The following CD84 variants were observed in gnomAD, a reference collection of about 807,000 sequenced individuals.
The protein encoded by CD84 is SLAM family member 5.
A neutral mutation model predicts 33.8 loss-of-function variants in CD84; 22 were observed. The ratio of observed to expected loss-of-function variants is 0.65; its 90% CI spans 0.46 to 0.93. CD84 has a LOEUF of 0.93. Ranked by LOEUF, CD84 falls within the 40% of genes least tolerant of loss-of-function variation. The pLI, the probability that CD84 is intolerant of heterozygous loss-of-function variation, is 0.00. For missense variants in CD84, 400 were observed against 397.6 expected, an observed-to-expected ratio of 1.01 and a Z score of -0.05; for synonymous variants, 154 against 145.2, an observed-to-expected ratio of 1.06 and a Z score of -0.44.
chr1:160,556,950 T>C (rs1656650190), intron 2 of CD84, among the ~76,000 whole-genome samples: 1 of 152,198 alleles, frequency 6.6e-6, no homozygotes, highest in Non-Finnish European at 1.5e-5. Context: ...GACATTTGGG[T>C]ATGGCTCTTT....
Position 160,553,988 on chromosome 1 carries a change from T to G in CD84, c.547A>C (p.Thr183Pro). 1 of 1,614,078 alleles carries G rather than the reference T, an allele frequency of 6.2e-7. No individual in the cohort carries two copies. Among genetic ancestry groups the G allele is most frequent in the Non-Finnish European group, 8.5e-7 (1 of 1,180,008 alleles). ...TAAGTCAGCTCTTGGTCCTCAGGAG[T>G]CTGGAAGATTTGAAGGACATTACCC... ...EEGNVLQIFQ[T>P]PEDQELTYTC... The change falls in exon 3 of 7, where the codon ACT (threonine) becomes CCT (proline). Residue 183 changes from threonine (T) to proline (P), a missense_variant. Physicochemically the swap from Thr to Pro is conservative, Grantham distance 38. Coordinates refer to ENST00000368054, the MANE Select transcript of CD84 (RefSeq NM_003874.4).
At chr1:160,556,903 A>G (rs1656647410) in intron 2 of CD84, among the ~76,000 whole-genome samples, 1 of 152,212 alleles carries the variant, frequency 6.6e-6, no homozygotes, top group Admixed American at 6.5e-5. Context: ...TTTCTCAGCT[A>G]AAGTTCTCGA....
intron 1 of CD84, among the ~76,000 whole-genome samples, chr1:160,573,826 A>G (rs756717991): frequency 6.6e-6 from 1 of 152,146 alleles, no homozygotes; most frequent in Non-Finnish European, 1.5e-5. Flanking sequence ...GTCTGTTTCA[A>G]TCACTACTGT....
chr1:160,561,370 T>C (rs1656947867), intron 2 of CD84, among the ~76,000 whole-genome samples: 3 of 152,078 alleles, frequency 2.0e-5, no homozygotes, highest in Admixed American at 6.6e-5. Context: ...CATATCCAAA[T>C]CAGTAAGTGT....
In CD84 at chr1:160,542,432, A is replaced by G. The variant is rs933699009; in HGVS notation, c.*5824T>C. 7 of 152,344 alleles carry G rather than the reference A, an allele frequency of 4.6e-5. No individual in the cohort carries two copies. Among genetic ancestry groups the G allele is most frequent in the African/African-American group, 1.7e-4 (7 of 41,588 alleles). The allele number at this position is 152,344 out of a possible 1,614,324, so 9.4% of individuals were successfully genotyped here. A position where few individuals can be genotyped will look rare whatever the true frequency, so the allele number is the denominator to read the frequency against. On this transcript the variant is annotated 3_prime_UTR_variant, in exon 7 of 7. Transcript: ENST00000368054. The stretch of plus-strand genomic sequence containing the variant: ...CAGACCTGTGAGTTAGATTTTGGAC[A>G]CGCTAAACTTGAGGTGACTTCTGAC...
rs775475479 is a variant in CD84 at position 160,565,655 on chromosome 1, G to A, written c.137C>T (p.Pro46Leu). ...SVTFPVNIQE[P>L]RQVKIIAWTS... ...CCAAGCAATGATTTTAACTTGCCGT[G>A]GTTCTTGGATATTTACAGGGAAAGT... Residue 46 changes from proline to leucine, a missense_variant, in exon 2 of 7, where the codon CCA becomes CTA. Physicochemically the swap from Pro to Leu is moderately conservative, Grantham distance 98 (BLOSUM62 -3). Transcript: ENST00000368054. 4 of 1,613,876 alleles carry A rather than the reference G, an allele frequency of 2.5e-6. No homozygotes were observed. In the South Asian group the frequency reaches 3.3e-5, roughly 13 times the overall value.
At chr1:160,561,017 A>AAAAAC (rs201874578) in intron 2 of CD84, among the ~76,000 whole-genome samples, 2,541 of 152,174 alleles carry the variant, frequency 0.017, 84 homozygotes, top group African/African-American at 0.057. Context: ...CCTACCAACC[A>AAAAAC]AAAACAAAAC....
chr1:160,567,292 T>C (rs895125867), intron 1 of CD84, among the ~76,000 whole-genome samples: 1 of 152,188 alleles, frequency 6.6e-6, no homozygotes, highest in Non-Finnish European at 1.5e-5. Context: ...CCTGATGGTG[T>C]TGTCTCACTA....
Position 160,579,420 on chromosome 1 carries a change from T to C in CD84, c.18A>G (p.Leu6=), listed in dbSNP as rs1658162065. 1 of 1,613,174 alleles carries C rather than the reference T, an allele frequency of 6.2e-7. No individual in the cohort carries two copies. Among genetic ancestry groups the C allele is most frequent in the South Asian group, 1.1e-5 (1 of 91,046 alleles). ...TTTGCAGGCAAAGGAGCAAGATCCA[T>C]AGGTGGTGCTGAGCCATCTCTTTCA... MAQHH[L]WILLLCLQTW... is the part of the protein sequence containing the mutation. Residue 6 remains leucine, a synonymous_variant, in exon 1 of 7, where the codon CTA becomes CTG. Transcript: ENST00000368054.
At chr1:160,551,399 T>C in intron 4 of CD84, 1 of 244,416 alleles carries the variant, frequency 4.1e-6, no homozygotes, top group Non-Finnish European at 7.9e-6. Context: ...GTCACGGTCT[T>C]AGTTTTTTAA....
intron 2 of CD84, among the ~76,000 whole-genome samples, chr1:160,556,012 C>T (rs963671706): frequency 5.9e-5 from 9 of 152,026 alleles, no homozygotes; most frequent in East Asian, 1.9e-4. Flanking sequence ...GTGACTGATA[C>T]GATATCAATT....
intron 1 of CD84, 23 bp downstream of exon 1, chr1:160,579,369 G>T (rs140316652): frequency 1.2e-6 from 2 of 1,612,910 alleles, no homozygotes; most frequent in South Asian, 1.1e-5. Flanking sequence ...ACTAGGAGGC[G>T]ATCAGCAAGG....
intron 1 of CD84, among the ~76,000 whole-genome samples, chr1:160,570,440 C>T (rs1469905780): frequency 6.6e-6 from 1 of 152,160 alleles, no homozygotes; most frequent in African/African-American, 2.4e-5. Flanking sequence ...TAATTTTTAG[C>T]AGGGCATAGA....
In CD84 at chr1:160,544,338, G is replaced by A. The variant is rs565539989; in HGVS notation, c.*3918C>T. 2.4e-4 allele frequency: 37 copies of A among 151,930 alleles called. No homozygotes were observed. The highest frequency in any genetic ancestry group is 8.7e-4 in the African/African-American group (36 of 41,390). 9.4% of individuals were successfully genotyped at this position (151,930 alleles called of 1,614,324 possible). A position where few individuals can be genotyped will look rare whatever the true frequency, so the allele number is the denominator to read the frequency against. ...CTAATTTTTTTGTATTTTTAGTAGA[G>A]ACGCGGTTTCACAACCTTGGCCAGG... is the stretch of plus-strand genomic sequence containing the variant. On this transcript the variant is annotated 3_prime_UTR_variant, in exon 7 of 7. Coordinates refer to ENST00000368054, the MANE Select transcript of CD84 (RefSeq NM_003874.4).
intron 3 of CD84, 86 bp from the exon 4 acceptor site, chr1:160,553,583 T>C: frequency 6.6e-7 from 1 of 1,509,280 alleles, no homozygotes; most frequent in Admixed American, 1.7e-5. Context: ...AGGGGCATTA[T>C]GAAAATTGGG....
intron 1 of CD84, among the ~76,000 whole-genome samples, chr1:160,576,754 G>C (rs1212281865): frequency 6.6e-6 from 1 of 152,098 alleles, no homozygotes; most frequent in Non-Finnish European, 1.5e-5. Context: ...ATCTGTATAT[G>C]TGCACATAAA....
rs1571341743 is a variant in CD84, at chr1:160,547,251, G to A, written c.*1005C>T. 1 of 398,568 alleles carries A rather than the reference G, an allele frequency of 2.5e-6. No homozygotes were observed. The highest frequency in any genetic ancestry group is 6.3e-4 in the Middle Eastern group (1 of 1,588). The allele number at this position is 398,568 out of a possible 1,614,324, so 24.7% of individuals were successfully genotyped here. On this transcript the variant is annotated 3_prime_UTR_variant, in exon 7 of 7. Coordinates refer to ENST00000368054, the MANE Select transcript of CD84 (RefSeq NM_003874.4). Reference sequence around the variant, plus strand: ...CATCATCTCCCAAGTTCCTTCTGGAGAATGACTCTGCTTCTTGCAAGGTCT... The same window carrying A: ...CATCATCTCCCAAGTTCCTTCTGGAAAATGACTCTGCTTCTTGCAAGGTCT...
At position 160,544,967 on chromosome 1, in the gene CD84, A is replaced by G. The variant is rs1235268192; in HGVS notation, c.*3289T>C. 6.6e-6 allele frequency: 1 copy of G among 152,242 alleles called. No individual in the cohort carries two copies. Among genetic ancestry groups the G allele is most frequent in the African/African-American group, 2.4e-5 (1 of 41,464 alleles). The allele number at this position is 152,242 out of a possible 1,614,324, so 9.4% of individuals were successfully genotyped here. ...TCCTGTTCCATGATGCTTTGATTTT[A>G]TAGACCTCTTGGTCACAGTCTAGTT... On this transcript the variant is annotated 3_prime_UTR_variant, in exon 7 of 7. Transcript: ENST00000368054.
At chr1:160,565,329 A>C (rs1434750846) in intron 2 of CD84, 75 bp downstream of exon 2, 24 of 1,101,212 alleles carry the variant, frequency 2.2e-5, no homozygotes, top group Non-Finnish European at 3.0e-5. Context: ...AATTATCAGA[A>C]ATGTAGATGT....
Sources: allele counts gnomAD v4.1 joint callset (sites outside exome capture counted in the v4.1 genomes callset), GRCh38; gene constraint gnomAD v4.1.1; transcripts MANE v1.5; gene names NCBI Gene and HGNC (gene_info 2026-07-23, HGNC 2026-07-21).